The following AGAP1 variants were observed in gnomAD, a reference collection of about 807,000 sequenced individuals.
AGAP1 encodes the protein ArfGAP with GTPase domain, ankyrin repeat and PH domain 1, also known as arf-GAP with GTPase, ANK repeat and PH domain-containing protein 1.
AGAP1 carries 29 observed loss-of-function variants against 105.3 expected under a neutral mutation model. That is an observed-to-expected ratio of 0.28 (90% confidence interval 0.21 to 0.38). AGAP1 has a LOEUF of 0.38. AGAP1 is among the 10% of genes least tolerant of loss of function. AGAP1 has a pLI of 1.00. For synonymous variants in AGAP1, 509 were observed against 485.9 expected (o/e 1.05, Z -0.63); for missense variants, 998 against 1,165.1 (o/e 0.86, Z 2.09).
chr2:235,718,504 T>C, intron 3 of AGAP1: 1 of 680,678 alleles, frequency 1.5e-6, no homozygotes, highest in South Asian at 6.6e-5. Context: ...ACCATCCTGT[T>C]TTGTTTCATT....
At chr2:235,774,245 G>A (rs138811294) in intron 6 of AGAP1, 115 of 422,222 alleles carry the variant, frequency 2.7e-4, no homozygotes, top group African/African-American at 2.3e-3. Context: ...TGGAAAATCC[G>A]TAAGGCAGAA....
intron 6 of AGAP1, among the ~76,000 whole-genome samples, chr2:235,757,831 A>G (rs1205963530): frequency 5.9e-5 from 9 of 152,134 alleles, no homozygotes; most frequent in Non-Finnish European, 1.3e-4. Flanking sequence ...TAATTACAGG[A>G]GTGTCCAGAA....
At chr2:235,956,768 T>TG (rs563209574) in intron 12 of AGAP1, among the ~76,000 whole-genome samples, 168 of 152,338 alleles carry the variant, frequency 1.1e-3, no homozygotes, top group African/African-American at 3.8e-3. Flanking sequence ...AGCCAGATCC[T>TG]GGTAGGTGGC....
intron 9 of AGAP1, among the ~76,000 whole-genome samples, chr2:235,812,242 C>T (rs1202728079): frequency 6.6e-6 from 1 of 152,154 alleles, no homozygotes; most frequent in Non-Finnish European, 1.5e-5. Context: ...GCTGTGAGAG[C>T]AGTCATTTCC....
intron 1 of AGAP1, among the ~76,000 whole-genome samples, chr2:235,572,976 TTTCTTCTTCTTCTTC>T (rs1172737406): frequency 0.011 from 1,167 of 103,926 alleles, 72 homozygotes; most frequent in Non-Finnish European, 0.017. Flanking sequence ...CTCCATCTTT[TTTCTTCTTCTTCTTC>T]TTCTTCTTCT....
Position 235,728,301 on chromosome 2 carries a change from C to CTGTG in AGAP1, c.310+10680_310+10683dup, listed in dbSNP as rs143714801. Among the ~76,000 whole-genome samples the CTGTG allele has an allele frequency of 0.017, 2,506 of 148,600 alleles. 28 individuals are homozygous for CTGTG. The highest frequency in any genetic ancestry group is 0.037 in the South Asian group (172 of 4,638). On this transcript the variant is annotated intron_variant, in intron 3 of 17. Transcript: ENST00000304032. This position sits in a 1 kb window ranked among gnomAD's most constrained non-coding sequence, Gnocchi z 4.3. ...ATCTGAAAAGGACTGGGCCCAGACT[C>CTGTG]TGTGTGTGTGTGTGTGTGTGTGTGT...
chr2:236,032,100 T>G (rs986734323), intron 13 of AGAP1, among the ~76,000 whole-genome samples: 1 of 152,212 alleles, frequency 6.6e-6, no homozygotes, highest in African/African-American at 2.4e-5. Context: ...TAAGAGATCC[T>G]CCTCTTTTTA....
chr2:236,070,076 C>T (rs546828736), intron 16 of AGAP1, among the ~76,000 whole-genome samples: 36 of 152,356 alleles, frequency 2.4e-4, no homozygotes, highest in African/African-American at 7.9e-4. Flanking sequence ...CTGGCTGTGG[C>T]GCTGTATGAG....
intron 2 of AGAP1, among the ~76,000 whole-genome samples, chr2:235,717,201 C>T (rs578191733): frequency 1.3e-5 from 2 of 152,346 alleles, no homozygotes; most frequent in East Asian, 3.9e-4. Flanking sequence ...ACCTCACCTG[C>T]TGCTTTTCCC....
chr2:236,079,972 C>T (rs1559255590), intron 16 of AGAP1, among the ~76,000 whole-genome samples: 1 of 152,186 alleles, frequency 6.6e-6, no homozygotes. Flanking sequence ...AAGAAAAATC[C>T]GTTATTCACA....
chr2:235,531,559 C>T (rs574417909), intron 1 of AGAP1, among the ~76,000 whole-genome samples: 2 of 151,688 alleles, frequency 1.3e-5, no homozygotes, highest in South Asian at 2.1e-4. Context: ...TGTGCCATAT[C>T]CAGTGGGACA....
chr2:235,518,888 G>A (rs1942505716), intron 1 of AGAP1, among the ~76,000 whole-genome samples: 1 of 152,224 alleles, frequency 6.6e-6, no homozygotes, highest in Non-Finnish European at 1.5e-5. Context: ...TGCTCCTGCA[G>A]CGGAAGAGTC....
chr2:235,721,476 TA>T lies in AGAP1; in HGVS notation c.310+3833del, dbSNP rs1455215242. ...CTTGGATTGACAGATTCCTTAATAT[TA>T]TGTGTGTGTGTGTGTGTGTGTGTGT... On this transcript the variant is annotated intron_variant, in intron 3 of 17. Coordinates refer to ENST00000304032, the MANE Select transcript of AGAP1 (RefSeq NM_001037131.3). The surrounding 1 kb of genome is among the most constrained non-coding windows in gnomAD (Gnocchi z 4.5). Among the ~76,000 whole-genome samples the T allele has an allele frequency of 1.9e-5, 2 of 106,600 alleles. No individual in the cohort carries two copies. Among genetic ancestry groups the T allele is most frequent in the African/African-American group, 3.1e-5 (1 of 32,362 alleles). The allele number at this position is 106,600 out of a possible 152,430, so 69.9% of individuals were successfully genotyped here. A position where few individuals can be genotyped will look rare whatever the true frequency, so the allele number is the denominator to read the frequency against.
Position 236,002,353 on chromosome 2 carries a change from A to G in AGAP1, c.1645+33730A>G, listed in dbSNP as rs1025663156. Among the ~76,000 whole-genome samples the G allele has an allele frequency of 6.6e-6, 1 of 152,160 alleles. No individual in the cohort carries two copies. Among genetic ancestry groups the G allele is most frequent in the Non-Finnish European group, 1.5e-5 (1 of 68,030 alleles). ...TCATCCCCACCTGGACAGTCTGCAAATGACTTTCCTTCTTCCCTCATCCCC... is the reference window on the plus strand; with the variant it reads ...TCATCCCCACCTGGACAGTCTGCAAGTGACTTTCCTTCTTCCCTCATCCCC... On this transcript the variant is annotated intron_variant, in intron 13 of 17. Coordinates refer to ENST00000304032, the MANE Select transcript of AGAP1 (RefSeq NM_001037131.3). The surrounding 1 kb of genome is among the most constrained non-coding windows in gnomAD (Gnocchi z 4.3).
Position 236,092,296 on chromosome 2 carries a change from G to C in AGAP1, c.2115-27896G>C, listed in dbSNP as rs1201359980. Among the ~76,000 whole-genome samples the C allele has an allele frequency of 2.0e-5, 3 of 152,202 alleles. No individual in the cohort carries two copies. Among genetic ancestry groups the C allele is most frequent in the Non-Finnish European group, 4.4e-5 (3 of 68,034 alleles). On this transcript the variant is annotated intron_variant, in intron 16 of 17. Transcript: ENST00000304032. The surrounding 1 kb of genome is among the most constrained non-coding windows in gnomAD (Gnocchi z 4.7). The stretch of plus-strand genomic sequence containing the variant: ...CAGGTGGGTTGTATCCATATCCTAT[G>C]GTGATAACATACTACAGTTTTTCAA...
At chr2:236,115,279 G>GCT (rs2059744283) in intron 16 of AGAP1, among the ~76,000 whole-genome samples, 1 of 152,192 alleles carries the variant, frequency 6.6e-6, no homozygotes, top group Admixed American at 6.5e-5. Context: ...TCATCCAAAT[G>GCT]CGTGATCCCA....
intron 1 of AGAP1, among the ~76,000 whole-genome samples, chr2:235,545,046 G>A (rs912905524): frequency 6.6e-6 from 1 of 152,210 alleles, no homozygotes; most frequent in Non-Finnish European, 1.5e-5. Context: ...TGAACCTTCC[G>A]TCCCAACCTT....
At chr2:235,525,221 G>T (rs1574763646) in intron 1 of AGAP1, among the ~76,000 whole-genome samples, 1 of 152,148 alleles carries the variant, frequency 6.6e-6, no homozygotes, top group African/African-American at 2.4e-5. Flanking sequence ...TCCAATACGA[G>T]AAAAAGAGGA....
chr2:235,717,578 A>G lies in AGAP1; in HGVS notation c.244A>G (p.Ser82Gly). Residue 82 changes from serine to glycine, a missense_variant, in exon 3 of 18, where the codon AGC becomes GGC. Ser to Gly is a moderately conservative substitution (Grantham distance 56, BLOSUM62 0). Transcript: ENST00000304032. ...TCAGGGAATTGTGGGTAACTTGGCC[A>G]GCGGCAAGTCTGCCCTGGTGCACCG... Reference protein sequence around the residue: ...LKVGIVGNLASGKSALVHRYL... With the variant: ...LKVGIVGNLAGGKSALVHRYL... The G allele has an allele frequency of 6.2e-7, 1 of 1,600,590 alleles. No homozygotes were observed. Among genetic ancestry groups the G allele is most frequent in the Non-Finnish European group, 8.5e-7 (1 of 1,176,708 alleles).
Sources: gnomAD v4.1 joint callset for allele counts (sites outside exome capture counted in the v4.1 genomes callset) on GRCh38, gnomAD v4.1.1 for gene constraint, Gnocchi (gnomAD v3.1) non-coding constraint, MANE v1.5 for transcripts, NCBI Gene and HGNC (gene_info 2026-07-23, HGNC 2026-07-21) for gene names.